The following SPHKAP variants were observed in gnomAD, a reference collection of about 807,000 sequenced individuals.
The protein encoded by SPHKAP is A-kinase anchor protein SPHKAP.
SPHKAP carries 67 observed loss-of-function variants against 137.5 expected under a neutral mutation model. That is an observed-to-expected ratio of 0.49 (90% CI 0.40 to 0.60). The LOEUF (loss-of-function observed/expected upper bound fraction) is 0.60. Among genes scored for constraint, SPHKAP ranks in the 20% least tolerant of loss-of-function variants. The pLI is 0.00. For synonymous variants in SPHKAP, 813 were observed against 785.3 expected, an observed-to-expected ratio of 1.04 and a Z score of -0.59; for missense variants, 2,097 against 2,069.3, an observed-to-expected ratio of 1.01 and a Z score of -0.26.
chr2:228,113,750 A>G (rs1210455769), intron 2 of SPHKAP, among the ~76,000 whole-genome samples: 6 of 151,894 alleles, frequency 4.0e-5, no homozygotes, highest in Admixed American at 3.3e-4. Flanking sequence ...CCTTTGGTAA[A>G]CAATTAAAGC....
rs147324960 is a variant in SPHKAP at position 228,126,836 on chromosome 2, T to C, written c.138+5144A>G. Among the ~76,000 whole-genome samples, 297 of 152,272 alleles carry C rather than the reference T, an allele frequency of 2.0e-3. 2 individuals carry two copies. The highest frequency in any genetic ancestry group is 6.9e-3 in the African/African-American group (286 of 41,558). Reference sequence around the variant, plus strand: ...ATTTCTCCAATACTGCAGAGGAAATTTGAGGAACACAAGCAATTGTGTCTG... The same window carrying C: ...ATTTCTCCAATACTGCAGAGGAAATCTGAGGAACACAAGCAATTGTGTCTG... On this transcript the variant is annotated intron_variant, in intron 2 of 11. Coordinates refer to ENST00000392056, the MANE Select transcript of SPHKAP (RefSeq NM_001142644.2).
chr2:228,172,504 T>C (rs1700615527), intron 1 of SPHKAP, among the ~76,000 whole-genome samples: 1 of 152,150 alleles, frequency 6.6e-6, no homozygotes, highest in South Asian at 2.1e-4. Context: ...GATAAGGGTC[T>C]TTGGAAGTCT....
At chr2:228,106,356 ATAAGT>A (rs67634338) in intron 3 of SPHKAP, among the ~76,000 whole-genome samples, 15,371 of 152,190 alleles carry the variant, frequency 0.1, 865 homozygotes, top group Middle Eastern at 0.14. Context: ...TCAGGATGAA[ATAAGT>A]TAAAGAAGCA....
At chr2:228,088,894 C>A (rs1697626130) in intron 3 of SPHKAP, among the ~76,000 whole-genome samples, 1 of 152,182 alleles carries the variant, frequency 6.6e-6, no homozygotes, top group African/African-American at 2.4e-5. Context: ...CCAATTAAAA[C>A]CTCTCTTCTT....
At chr2:228,118,722 T>C (rs1453435303) in intron 2 of SPHKAP, among the ~76,000 whole-genome samples, 1 of 152,166 alleles carries the variant, frequency 6.6e-6, no homozygotes, top group Non-Finnish European at 1.5e-5. Context: ...CTATATTTAA[T>C]GTTAGCTTTG....
intron 1 of SPHKAP, among the ~76,000 whole-genome samples, chr2:228,171,758 C>T (rs1196255669): frequency 2.6e-5 from 4 of 152,104 alleles, no homozygotes; most frequent in African/African-American, 9.7e-5. Flanking sequence ...GTAAGGAAGG[C>T]AGGAACTGGG....
chr2:228,154,722 T>TTC (rs1006745423), intron 1 of SPHKAP, among the ~76,000 whole-genome samples: 1 of 142,974 alleles, frequency 7.0e-6, no homozygotes, highest in Non-Finnish European at 1.5e-5. Context: ...CTAATTTTTT[T>TTC]TTTTTTTTTT....
intron 1 of SPHKAP, among the ~76,000 whole-genome samples, chr2:228,159,664 A>G (rs887524045): frequency 6.6e-6 from 1 of 152,218 alleles, no homozygotes; most frequent in Non-Finnish European, 1.5e-5. Flanking sequence ...GCTTTAAGAA[A>G]ATGGAGATCT....
At chr2:228,094,040 G>A (rs1459399744) in intron 3 of SPHKAP, among the ~76,000 whole-genome samples, 3 of 151,844 alleles carry the variant, frequency 2.0e-5, no homozygotes, top group Non-Finnish European at 4.4e-5. Context: ...AGGGTATTGA[G>A]AATAACCAAC....
intron 2 of SPHKAP, among the ~76,000 whole-genome samples, chr2:228,118,794 C>T (rs374808944): frequency 3.3e-5 from 5 of 152,020 alleles, no homozygotes; most frequent in African/African-American, 1.2e-4. Flanking sequence ...TTCTTTCATT[C>T]GACTACTTGT....
chr2:228,153,016 G>A (rs1391433768), intron 1 of SPHKAP, among the ~76,000 whole-genome samples: 1 of 152,124 alleles, frequency 6.6e-6, no homozygotes, highest in African/African-American at 2.4e-5. Flanking sequence ...GGTTTTATAA[G>A]GGGTTTCCCC....
At chr2:228,128,149 G>T (rs1699135859) in intron 2 of SPHKAP, among the ~76,000 whole-genome samples, 1 of 152,088 alleles carries the variant, frequency 6.6e-6, no homozygotes, top group South Asian at 2.1e-4. Context: ...GATTTCTCTG[G>T]ATCATGCAAT....
chr2:228,002,534 G>A (rs1359242303), intron 7 of SPHKAP, among the ~76,000 whole-genome samples: 2 of 152,126 alleles, frequency 1.3e-5, no homozygotes, highest in African/African-American at 2.4e-5. Flanking sequence ...TCACTCTGAT[G>A]GTAGTTTCTT....
intron 2 of SPHKAP, among the ~76,000 whole-genome samples, chr2:228,129,647 C>T (rs1699184163): frequency 6.6e-6 from 1 of 151,590 alleles, no homozygotes; most frequent in Admixed American, 6.6e-5. Flanking sequence ...TGAAATGAGT[C>T]AGATTATGTT....
At chr2:227,990,600 C>G (rs1559334841) in intron 11 of SPHKAP, among the ~76,000 whole-genome samples, 1 of 152,136 alleles carries the variant, frequency 6.6e-6, no homozygotes. Context: ...ATTAAAAATG[C>G]CTTCTCTTGG....
intron 3 of SPHKAP, among the ~76,000 whole-genome samples, chr2:228,052,597 T>A (rs972776025): frequency 3.3e-5 from 5 of 152,138 alleles, no homozygotes; most frequent in African/African-American, 1.2e-4. Flanking sequence ...AGTCAACCTA[T>A]CAATCAAAAG....
intron 3 of SPHKAP, among the ~76,000 whole-genome samples, chr2:228,098,282 CTTT>C (rs888289280): frequency 7.8e-4 from 118 of 152,150 alleles, no homozygotes; most frequent in African/African-American, 2.7e-3. Context: ...TGTATGTCTT[CTTT>C]TAAGAAGTGT....
chr2:228,065,414 A>G (rs1219396028), intron 3 of SPHKAP, among the ~76,000 whole-genome samples: 1 of 152,228 alleles, frequency 6.6e-6, no homozygotes, highest in Non-Finnish European at 1.5e-5. Context: ...GGTTCTTGAT[A>G]AACTTGGCAA....
At position 227,987,374 on chromosome 2, in the gene SPHKAP, C is replaced by T. The variant is rs750517871; in HGVS notation, c.4959+3626G>A. Among the ~76,000 whole-genome samples, 13 of 152,224 alleles carry T rather than the reference C, an allele frequency of 8.5e-5. No individual in the cohort carries two copies. In the Middle Eastern group the frequency reaches 0.014, roughly 159 times the overall value. On this transcript the variant is annotated intron_variant, in intron 11 of 11. Transcript: ENST00000392056. ...GCTATTTACAATCTGAGCTTCTCTC[C>T]GTTTATATTCTTCTTACCTTTGGTC... is the stretch of plus-strand genomic sequence containing the variant.
Sources: gnomAD v4.1 joint callset for allele counts (sites outside exome capture counted in the v4.1 genomes callset) on GRCh38, gnomAD v4.1.1 for gene constraint, MANE v1.5 for transcripts, NCBI Gene and HGNC (gene_info 2026-07-23, HGNC 2026-07-21) for gene names.